The following CACNA2D3 variants were observed in gnomAD, a reference collection of about 807,000 sequenced individuals.
The protein encoded by CACNA2D3 is voltage-dependent calcium channel subunit alpha-2/delta-3.
In CACNA2D3, 60 loss-of-function variants were observed where a neutral mutation model predicts 160.6. That is an observed-to-expected ratio of 0.37 (90% confidence interval 0.30 to 0.46). The LOEUF is 0.46. Among genes scored for constraint, CACNA2D3 ranks in the 20% least tolerant of loss-of-function variants. The pLI, the probability that CACNA2D3 is intolerant of heterozygous loss-of-function variation, is 1.00. For missense variants in CACNA2D3, 1,205 were observed against 1,365.0 expected (o/e 0.88, Z 1.85); for synonymous variants, 558 against 492.9 (o/e 1.13, Z -1.75).
chr3:54,211,305 C>G (rs1376118197), intron 2 of CACNA2D3, among the ~76,000 whole-genome samples: 2 of 152,100 alleles, frequency 1.3e-5, no homozygotes, highest in Non-Finnish European at 2.9e-5. Flanking sequence ...TATAGCTGCA[C>G]AGTAGGACAT....
chr3:54,223,418 A>G (rs946007164), intron 2 of CACNA2D3, among the ~76,000 whole-genome samples: 6 of 152,214 alleles, frequency 3.9e-5, no homozygotes, highest in African/African-American at 1.4e-4. Context: ...AAAGGACAAA[A>G]GATGGTACAC....
intron 11 of CACNA2D3, among the ~76,000 whole-genome samples, chr3:54,739,222 C>G (rs1198089379): frequency 6.6e-6 from 1 of 151,882 alleles, no homozygotes; most frequent in Non-Finnish European, 1.5e-5. Context: ...GATTTCAGGA[C>G]TAGTCTGGCC....
chr3:54,627,943 G>A, intron 10 of CACNA2D3, 67 bp downstream of exon 10: 2 of 1,140,034 alleles, frequency 1.8e-6, no homozygotes, highest in Non-Finnish European at 2.6e-6. Flanking sequence ...TTAGAAAATT[G>A]TGGGCCAGGC....
At chr3:54,265,631 GTA>G (rs1158709460) in intron 2 of CACNA2D3, among the ~76,000 whole-genome samples, 12 of 101,080 alleles carry the variant, frequency 1.2e-4, no homozygotes, top group African/African-American at 2.9e-4. Flanking sequence ...TATATAGTGT[GTA>G]TATATATAGT....
chr3:54,950,654 G>A (rs1701735585), intron 27 of CACNA2D3, among the ~76,000 whole-genome samples: 1 of 152,108 alleles, frequency 6.6e-6, no homozygotes, highest in South Asian at 2.1e-4. Context: ...AGCCTCAACA[G>A]TTTTCCTTAT....
At chr3:54,994,976 T>G (rs757905579) in intron 31 of CACNA2D3, among the ~76,000 whole-genome samples, 1 of 152,156 alleles carries the variant, frequency 6.6e-6, no homozygotes, top group Admixed American at 6.5e-5. Flanking sequence ...TTTATTTATT[T>G]ATTTATTTTT....
chr3:54,356,823 T>A (rs1211471832), intron 3 of CACNA2D3, among the ~76,000 whole-genome samples: 1 of 152,214 alleles, frequency 6.6e-6, no homozygotes, highest in Non-Finnish European at 1.5e-5. Context: ...AAAAACACTT[T>A]CAGGAATGAT....
intron 35 of CACNA2D3, among the ~76,000 whole-genome samples, chr3:55,054,932 T>C (rs182539713): frequency 2.6e-4 from 39 of 152,210 alleles, no homozygotes; most frequent in African/African-American, 8.9e-4. Context: ...TTTTTGCCTC[T>C]AGCCCTGGAA....
At chr3:54,824,498 A>G (rs1380216275) in intron 14 of CACNA2D3, among the ~76,000 whole-genome samples, 2 of 152,188 alleles carry the variant, frequency 1.3e-5, no homozygotes, top group African/African-American at 4.8e-5. Context: ...AACCTCTGGT[A>G]TTGCATTCAT....
At chr3:54,555,714 A>G (rs1037513535) in intron 5 of CACNA2D3, among the ~76,000 whole-genome samples, 6 of 152,214 alleles carry the variant, frequency 3.9e-5, no homozygotes, top group Admixed American at 6.5e-5. Flanking sequence ...CTCGGAAGGT[A>G]GAGGAAACAG....
rs749170007 is a variant in CACNA2D3, at chr3:54,207,576, T to C, written c.204+83982T>C. 7.2e-5 allele frequency among the ~76,000 whole-genome samples: 11 copies of C among 152,306 alleles called. 1 individual carries two copies. The South Asian group carries it at 2.3e-3, about 32-fold the overall frequency. On this transcript the variant is annotated intron_variant, in intron 2 of 37. Transcript: ENST00000474759. ...CCCACTGCTAACCTTCCTGGATGAA[T>C]GGATGTTGGTGTAAGATTCCAGGTA...
intron 11 of CACNA2D3, among the ~76,000 whole-genome samples, chr3:54,673,828 T>C (rs1035567390): frequency 5.9e-5 from 9 of 152,300 alleles, no homozygotes; most frequent in African/African-American, 2.2e-4. Context: ...TGGACTAGGG[T>C]GCAGTGAGGA....
intron 26 of CACNA2D3, among the ~76,000 whole-genome samples, chr3:54,898,553 A>AATT (rs1163114668): frequency 6.6e-6 from 1 of 152,150 alleles, no homozygotes; most frequent in Non-Finnish European, 1.5e-5. Context: ...TGTTGCTGAA[A>AATT]ATATCAAGAG....
chr3:54,618,637 C>A (rs191837596), intron 9 of CACNA2D3, among the ~76,000 whole-genome samples: 2 of 152,240 alleles, frequency 1.3e-5, no homozygotes, highest in Non-Finnish European at 2.9e-5. Flanking sequence ...CTTTGCTGAG[C>A]TTTCCCAGAA....
intron 5 of CACNA2D3, among the ~76,000 whole-genome samples, chr3:54,557,235 T>A (rs1194293067): frequency 6.6e-6 from 1 of 152,216 alleles, no homozygotes; most frequent in Non-Finnish European, 1.5e-5. Context: ...ATTTTTTTAG[T>A]GATTCTGTTT....
At chr3:54,151,489 G>A (rs1242338356) in intron 2 of CACNA2D3, among the ~76,000 whole-genome samples, 1 of 152,076 alleles carries the variant, frequency 6.6e-6, no homozygotes, top group Non-Finnish European at 1.5e-5. Context: ...GTGTTTTTCT[G>A]CTCTCAGGGG....
chr3:54,699,757 A>G (rs1700732075), intron 11 of CACNA2D3, among the ~76,000 whole-genome samples: 1 of 152,172 alleles, frequency 6.6e-6, no homozygotes, highest in Admixed American at 6.5e-5. Context: ...GAGGATAGTA[A>G]TATTGACTTC....
chr3:54,696,760 T>TA (rs745425710), intron 11 of CACNA2D3, among the ~76,000 whole-genome samples: 21 of 152,208 alleles, frequency 1.4e-4, no homozygotes, highest in Non-Finnish European at 1.5e-4. Flanking sequence ...GAAGACATTT[T>TA]AAAGAATGCT....
chr3:54,578,063 G>T (rs78291700), intron 8 of CACNA2D3, among the ~76,000 whole-genome samples: 13,342 of 152,256 alleles, frequency 0.088, 808 homozygotes, highest in South Asian at 0.24. Flanking sequence ...GCCCACTCCT[G>T]TCTTCCTAAG....
Sources: gnomAD v4.1 joint callset for allele counts (sites outside exome capture counted in the v4.1 genomes callset) on GRCh38, gnomAD v4.1.1 for gene constraint, MANE v1.5 for transcripts, NCBI Gene and HGNC (gene_info 2026-07-23, HGNC 2026-07-21) for gene names.